POLN: variants seen among roughly 807,000 people sequenced by gnomAD.
POLN encodes the protein DNA polymerase N.
Under a neutral mutation model 113.5 loss-of-function variants are expected in POLN, and 108 were observed. The ratio of observed to expected loss-of-function variants is 0.95; its 90% CI spans 0.81 to 1.12. The LOEUF is 1.12. POLN is among the 50% of genes most tolerant of loss of function. POLN has a pLI of 0.00. For missense variants in POLN, 1,097 were observed against 1,077.1 expected (o/e 1.02, Z -0.26); for synonymous variants, 386 against 391.5 (o/e 0.99, Z 0.17).
At chr4:2,169,079 G>T (rs1335976151) in intron 13 of POLN, among the ~76,000 whole-genome samples, 1 of 152,212 alleles carries the variant, frequency 6.6e-6, no homozygotes, top group East Asian at 1.9e-4. Context: ...GGAAAAATTT[G>T]TGGCACGAGT....
intron 19 of POLN, among the ~76,000 whole-genome samples, chr4:2,101,024 C>T (rs985464775): frequency 2.0e-5 from 3 of 152,104 alleles, no homozygotes; most frequent in African/African-American, 7.2e-5. Flanking sequence ...AGGTGAAACA[C>T]TGGACGTGGC....
intron 19 of POLN, among the ~76,000 whole-genome samples, chr4:2,120,211 A>G (rs960566644): frequency 2.0e-5 from 3 of 152,164 alleles, no homozygotes; most frequent in African/African-American, 7.2e-5. Context: ...ATTTTCTTCA[A>G]AACTGTTTTA....
chr4:2,183,014 C>T (rs1733182186), intron 7 of POLN, among the ~76,000 whole-genome samples: 1 of 151,772 alleles, frequency 6.6e-6, no homozygotes, highest in African/African-American at 2.4e-5. Flanking sequence ...CAGACATTTC[C>T]CCAAAAAAAG....
chr4:2,227,126 G>A (rs1366206246), intron 3 of POLN, among the ~76,000 whole-genome samples: 1 of 152,166 alleles, frequency 6.6e-6, no homozygotes, highest in Non-Finnish European at 1.5e-5. Context: ...CACACCAAAG[G>A]CAGCAGCATG....
intron 15 of POLN, among the ~76,000 whole-genome samples, chr4:2,157,135 T>C (rs1732455104): frequency 6.6e-6 from 1 of 152,188 alleles, no homozygotes; most frequent in Non-Finnish European, 1.5e-5. Context: ...GAAGGGCTGT[T>C]GGGCTGTGGG....
chr4:2,207,842 G>T, intron 5 of POLN, 145 bp downstream of exon 5: 1 of 879,946 alleles, frequency 1.1e-6, no homozygotes. Context: ...ACTGATGGGA[G>T]CATACATTGT....
intron 13 of POLN, among the ~76,000 whole-genome samples, chr4:2,167,634 C>A (rs1374242252): frequency 1.3e-5 from 2 of 152,210 alleles, no homozygotes; most frequent in African/African-American, 4.8e-5. Context: ...CATGGTGACT[C>A]ATGCCTGTAA....
intron 5 of POLN, among the ~76,000 whole-genome samples, chr4:2,202,623 C>T (rs1040043842): frequency 1.1e-4 from 16 of 146,712 alleles, no homozygotes; most frequent in African/African-American, 3.8e-4. Flanking sequence ...ACTTGGGAGG[C>T]TGAGACAGGA....
intron 5 of POLN, among the ~76,000 whole-genome samples, chr4:2,201,298 A>AC (rs1319478125): frequency 6.1e-5 from 9 of 148,246 alleles, no homozygotes; most frequent in Non-Finnish European, 1.2e-4. Context: ...AAAAAAAAAA[A>AC]AAAAACGAGG....
At chr4:2,217,626 G>A (rs1462627201) in intron 3 of POLN, among the ~76,000 whole-genome samples, 1 of 152,182 alleles carries the variant, frequency 6.6e-6, no homozygotes, top group Non-Finnish European at 1.5e-5. Context: ...TGACAGTTTT[G>A]TTTTTGAAAA....
chr4:2,155,513 G>C (rs571749986), intron 16 of POLN, among the ~76,000 whole-genome samples: 1 of 152,034 alleles, frequency 6.6e-6, no homozygotes, highest in Non-Finnish European at 1.5e-5. Context: ...GCATGCACTC[G>C]GTACACCATC....
chr4:2,150,632 TG>T lies in POLN; in HGVS notation c.1731+6155del, dbSNP rs553144695. Among the ~76,000 whole-genome samples the T allele has an allele frequency of 1.4e-3, 212 of 152,260 alleles. 1 individual carries two copies. The highest frequency in any genetic ancestry group is 4.5e-3 in the African/African-American group (189 of 41,546). ...AATAAAGACAACGCACTGCTGGCAATGGTAAGTATATAGATCAACTAGACTG... is the reference window on the plus strand; with the variant it reads ...AATAAAGACAACGCACTGCTGGCAATGTAAGTATATAGATCAACTAGACTG... On this transcript the variant is annotated intron_variant, in intron 16 of 25. Transcript: ENST00000511885.
In POLN at chr4:2,072,316, G is replaced by A. The variant is rs746611458; in HGVS notation, c.2518-17C>T. The A allele has an allele frequency of 6.5e-7, 1 of 1,531,904 alleles. No homozygotes were observed. Among genetic ancestry groups the A allele is most frequent in the Non-Finnish European group, 8.7e-7 (1 of 1,142,970 alleles). 94.9% of individuals were successfully genotyped at this position (1,531,904 alleles called of 1,614,324 possible). On this transcript the variant is annotated splice_polypyrimidine_tract_variant and intron_variant, in intron 25 of 25. Coordinates refer to ENST00000511885, the MANE Select transcript of POLN (RefSeq NM_181808.4). ...GAGGGGTACCTGCAGGTGGCAGCCAGAGGTGAGCCCCACGCCTGGGCCAGC... is the reference window on the plus strand; with the variant it reads ...GAGGGGTACCTGCAGGTGGCAGCCAAAGGTGAGCCCCACGCCTGGGCCAGC...
At chr4:2,133,033 C>G (rs1429842365) in intron 16 of POLN, among the ~76,000 whole-genome samples, 1 of 151,598 alleles carries the variant, frequency 6.6e-6, no homozygotes, top group Non-Finnish European at 1.5e-5. Context: ...TGGCTGGGCA[C>G]AGTGGATCCC....
chr4:2,146,791 A>G (rs1732154489), intron 16 of POLN, among the ~76,000 whole-genome samples: 1 of 152,202 alleles, frequency 6.6e-6, no homozygotes, highest in African/African-American at 2.4e-5. Flanking sequence ...GTATCTCGAC[A>G]GAGGTAACAA....
At chr4:2,181,317 G>C (rs28445657) in intron 7 of POLN, among the ~76,000 whole-genome samples, 1 of 151,362 alleles carries the variant, frequency 6.6e-6, no homozygotes, top group African/African-American at 2.4e-5. Context: ...GCTAATTTTT[G>C]TTTTTTTTAG....
chr4:2,158,069 A>C (rs566479991), intron 14 of POLN, among the ~76,000 whole-genome samples, 158 bp from the exon 15 acceptor site: 1 of 152,110 alleles, frequency 6.6e-6, no homozygotes, highest in South Asian at 2.1e-4. Flanking sequence ...CTCTTGCCTC[A>C]GTCTCCTGAG....
intron 19 of POLN, among the ~76,000 whole-genome samples, chr4:2,115,790 C>G (rs1731303035): frequency 1.3e-5 from 2 of 152,200 alleles, no homozygotes; most frequent in South Asian, 4.1e-4. Context: ...GACTTCATTG[C>G]AACTCTAGTT....
chr4:2,213,395 A>G (rs1014157930), intron 3 of POLN, among the ~76,000 whole-genome samples: 2 of 152,234 alleles, frequency 1.3e-5, no homozygotes, highest in African/African-American at 2.4e-5. Context: ...TTGCATTTGA[A>G]TACATGACTC....
Sources: gnomAD v4.1 joint callset for allele counts (sites outside exome capture counted in the v4.1 genomes callset) on GRCh38, gnomAD v4.1.1 for gene constraint, MANE v1.5 for transcripts, NCBI Gene and HGNC (gene_info 2026-07-23, HGNC 2026-07-21) for gene names.